GRID2: variants seen among roughly 807,000 people sequenced by gnomAD.
GRID2 encodes the protein glutamate ionotropic receptor delta type subunit 2, also known as glutamate receptor ionotropic, delta-2.
Under a neutral mutation model 114.8 loss-of-function variants are expected in GRID2, and 33 were observed. The observed-to-expected ratio is 0.29, with a 90% CI of 0.22 to 0.38. The LOEUF is 0.38. GRID2 is among the 10% of genes least tolerant of loss of function. The pLI is 1.00. For missense variants in GRID2, 1,184 were observed against 1,257.7 expected, an observed-to-expected ratio of 0.94 and a Z score of 0.89; for synonymous variants, 505 against 449.9, an observed-to-expected ratio of 1.12 and a Z score of -1.55.
rs374422337 is a variant in GRID2 at position 93,163,287 on chromosome 4, CAA to C, written c.736-44116_736-44115del. 7.2e-3 allele frequency among the ~76,000 whole-genome samples: 1,042 copies of C among 145,152 alleles called. 18 individuals are homozygous for C. The highest frequency in any genetic ancestry group is 0.025 in the African/African-American group (994 of 39,492). ...TTATGGAGCATATAAACCAAAATATCAAGAGTGGTTATCTCAAGACAGTAAGA... is the reference window on the plus strand; with the variant it reads ...TTATGGAGCATATAAACCAAAATATCGAGTGGTTATCTCAAGACAGTAAGA... On this transcript the variant is annotated intron_variant, in intron 4 of 15. Coordinates refer to ENST00000282020, the MANE Select transcript of GRID2 (RefSeq NM_001510.4).
chr4:92,534,634 C>T (rs1329496600), intron 1 of GRID2, among the ~76,000 whole-genome samples: 1 of 152,076 alleles, frequency 6.6e-6, no homozygotes, highest in African/African-American at 2.4e-5. Flanking sequence ...TTCTTACTGT[C>T]AGAATGACAC....
intron 1 of GRID2, among the ~76,000 whole-genome samples, chr4:92,494,047 C>A (rs1460214488): frequency 6.6e-6 from 1 of 152,054 alleles, no homozygotes; most frequent in African/African-American, 2.4e-5. Context: ...GTTGCAGAGC[C>A]AAAAAGTTAC....
chr4:93,172,058 A>C (rs779966447), intron 4 of GRID2, among the ~76,000 whole-genome samples: 15 of 152,320 alleles, frequency 9.8e-5, no homozygotes, highest in Non-Finnish European at 1.9e-4. Flanking sequence ...ATTTGGGGCA[A>C]ATTGGGCCAT....
chr4:93,616,601 TTTATTATATTTATAAAATAAATATA>T (rs1431960992), intron 13 of GRID2, among the ~76,000 whole-genome samples: 12 of 139,992 alleles, frequency 8.6e-5, no homozygotes, highest in Admixed American at 8.5e-4. Context: ...AAATAAATAT[TTTATTATATTTATAAAATAAATATA>T]AAAAAAAGTT....
At chr4:93,548,749 A>G (rs1318904296) in intron 13 of GRID2, among the ~76,000 whole-genome samples, 1 of 152,210 alleles carries the variant, frequency 6.6e-6, no homozygotes, top group African/African-American at 2.4e-5. Context: ...CCCATTTCTA[A>G]AGTCACAGTA....
intron 13 of GRID2, among the ~76,000 whole-genome samples, chr4:93,624,310 A>G (rs1718069579): frequency 6.6e-6 from 1 of 152,116 alleles, no homozygotes; most frequent in Non-Finnish European, 1.5e-5. Context: ...TTTTTTCCTA[A>G]TAGATTGCAA....
intron 13 of GRID2, among the ~76,000 whole-genome samples, chr4:93,582,847 A>G (rs369117527): frequency 6.6e-6 from 1 of 152,204 alleles, no homozygotes; most frequent in Non-Finnish European, 1.5e-5. Flanking sequence ...TTTGTATGAC[A>G]TTGTATTAAT....
At chr4:92,331,236 T>G (rs954869592) in intron 1 of GRID2, among the ~76,000 whole-genome samples, 6 of 152,168 alleles carry the variant, frequency 3.9e-5, no homozygotes, top group Non-Finnish European at 8.8e-5. Context: ...TAGCACAAAC[T>G]CTATATATTA....
intron 2 of GRID2, among the ~76,000 whole-genome samples, chr4:92,880,524 T>C (rs1745928682): frequency 6.6e-6 from 1 of 152,188 alleles, no homozygotes; most frequent in East Asian, 1.9e-4. Flanking sequence ...CTGCTGCAGC[T>C]GAAGGCAACT....
intron 4 of GRID2, among the ~76,000 whole-genome samples, chr4:93,182,191 C>T (rs1269002637): frequency 6.6e-6 from 1 of 152,100 alleles, no homozygotes; most frequent in Admixed American, 6.6e-5. Flanking sequence ...TGGTAGATTC[C>T]TTAAACTACC....
chr4:92,699,462 A>G (rs924675649), intron 2 of GRID2, among the ~76,000 whole-genome samples: 2 of 152,176 alleles, frequency 1.3e-5, no homozygotes, highest in Non-Finnish European at 2.9e-5. Flanking sequence ...TCTACTGCTC[A>G]GATGTGATTA....
chr4:93,503,665 TTGCAC>T (rs1728353983), intron 12 of GRID2, among the ~76,000 whole-genome samples: 1 of 151,978 alleles, frequency 6.6e-6, no homozygotes. Flanking sequence ...TCAAACCACT[TTGCAC>T]TTCAGTTTTT....
rs546782333 is a variant in GRID2, at chr4:93,409,307, G to A, written c.1348-13464G>A. Reference sequence around the variant, plus strand: ...ACTTAAAAAAGGGAAGGGAAGTGTGGCTAGGGCATCAATGTGTAGTTGATC... The same window carrying A: ...ACTTAAAAAAGGGAAGGGAAGTGTGACTAGGGCATCAATGTGTAGTTGATC... On this transcript the variant is annotated intron_variant, in intron 9 of 15. Transcript: ENST00000282020. 2.6e-4 allele frequency among the ~76,000 whole-genome samples: 39 copies of A among 152,264 alleles called. No individual in the cohort carries two copies. The East Asian group carries it at 7.1e-3, about 28-fold the overall frequency.
intron 2 of GRID2, among the ~76,000 whole-genome samples, chr4:92,747,072 A>G (rs1737183790): frequency 6.6e-6 from 1 of 152,104 alleles, no homozygotes; most frequent in African/African-American, 2.4e-5. Context: ...GAGTTGGATA[A>G]ATATTAATTT....
chr4:93,288,681 C>T (rs1753431692), intron 8 of GRID2, among the ~76,000 whole-genome samples: 1 of 152,138 alleles, frequency 6.6e-6, no homozygotes, highest in Non-Finnish European at 1.5e-5. Flanking sequence ...GGCTGCTAAC[C>T]ATACATTGAT....
chr4:93,653,673 A>G (rs1408413556), intron 14 of GRID2, among the ~76,000 whole-genome samples: 1 of 152,158 alleles, frequency 6.6e-6, no homozygotes, highest in Non-Finnish European at 1.5e-5. Context: ...ATGGGGGGAA[A>G]GAAAAGAGAT....
At chr4:93,444,819 A>G (rs949610840) in intron 10 of GRID2, among the ~76,000 whole-genome samples, 1 of 152,078 alleles carries the variant, frequency 6.6e-6, no homozygotes, top group Admixed American at 6.6e-5. Context: ...GTTTATGGAA[A>G]AAATGTACAT....
intron 8 of GRID2, among the ~76,000 whole-genome samples, chr4:93,374,529 TTGCCAGC>T (rs1763203760): frequency 6.6e-6 from 1 of 152,168 alleles, no homozygotes; most frequent in Non-Finnish European, 1.5e-5. Context: ...CATTTGAGTT[TTGCCAGC>T]TGGTATCTTA....
At chr4:92,837,364 G>T (rs1489920398) in intron 2 of GRID2, among the ~76,000 whole-genome samples, 3 of 151,624 alleles carry the variant, frequency 2.0e-5, no homozygotes, top group Admixed American at 1.3e-4. Flanking sequence ...CCAAGAACAA[G>T]TCTCCGTGAA....
Sources: gnomAD v4.1 joint callset for allele counts (sites outside exome capture counted in the v4.1 genomes callset) on GRCh38, gnomAD v4.1.1 for gene constraint, MANE v1.5 for transcripts, NCBI Gene and HGNC (gene_info 2026-07-23, HGNC 2026-07-21) for gene names.